MIB1: variants seen among roughly 807,000 people sequenced by gnomAD.
MIB1 encodes the protein E3 ubiquitin-protein ligase MIB1.
In MIB1, 278 loss-of-function variants were observed where a neutral mutation model predicts 124.5. The observed-to-expected ratio is 2.23, with a 90% CI of 2.02 to 2.47. The LOEUF (loss-of-function observed/expected upper bound fraction) is 2.47. Among genes scored for constraint, MIB1 ranks in the 30% most tolerant of loss-of-function variants. The pLI is 0.00. For missense variants in MIB1, 957 were observed against 1,254.4 expected (o/e 0.76, Z 3.58); for synonymous variants, 446 against 429.4 (o/e 1.04, Z -0.48).
intron 6 of MIB1, among the ~76,000 whole-genome samples, chr18:21,784,458 A>G (rs1325396807): frequency 1.3e-5 from 2 of 152,238 alleles, no homozygotes; most frequent in Non-Finnish European, 2.9e-5. Flanking sequence ...TGCCAAGGCA[A>G]GAGACCGAGG....
In MIB1 at chr18:21,815,896, C is replaced by A. The variant is rs1053266321; in HGVS notation, c.1677+83C>A. ...ACATTAAGTTCTATGGTAAGCATTC[C>A]TTTGTTACCGTTCTCATATGTCATA... is the stretch of plus-strand genomic sequence containing the variant. On this transcript the variant is annotated intron_variant, in intron 11 of 20. Coordinates refer to ENST00000261537, the MANE Select transcript of MIB1 (RefSeq NM_020774.4). 57 of 1,215,884 alleles carry A rather than the reference C, an allele frequency of 4.7e-5. 1 individual carries two copies. In the South Asian group the frequency reaches 7.4e-4, roughly 16 times the overall value. 75.3% of individuals were successfully genotyped at this position (1,215,884 alleles called of 1,614,324 possible).
At chr18:21,773,361 T>A (rs1238375413) in intron 3 of MIB1, among the ~76,000 whole-genome samples, 1 of 152,210 alleles carries the variant, frequency 6.6e-6, no homozygotes, top group East Asian at 1.9e-4. Flanking sequence ...TTTCTGATAA[T>A]CTATCACTGT....
intron 6 of MIB1, among the ~76,000 whole-genome samples, chr18:21,784,299 G>A (rs1041051838): frequency 4.7e-5 from 7 of 150,444 alleles, no homozygotes; most frequent in African/African-American, 7.3e-5. Context: ...CGCCCTCCTC[G>A]GCCTCCCAAA....
chr18:21,782,763 T>C (rs958089166), intron 6 of MIB1, among the ~76,000 whole-genome samples: 29 of 152,186 alleles, frequency 1.9e-4, no homozygotes, highest in African/African-American at 7.0e-4. Context: ...TGAAGTATTC[T>C]GTAAGTGTCA....
intron 1 of MIB1, among the ~76,000 whole-genome samples, chr18:21,708,096 T>C (rs1485640984): frequency 6.6e-6 from 1 of 152,094 alleles, no homozygotes; most frequent in Non-Finnish European, 1.5e-5. Flanking sequence ...CCTAATACCA[T>C]CACCTTGAGG....
At chr18:21,752,372 G>T (rs1242123939) in intron 1 of MIB1, among the ~76,000 whole-genome samples, 1 of 152,026 alleles carries the variant, frequency 6.6e-6, no homozygotes, top group Non-Finnish European at 1.5e-5. Flanking sequence ...ATTTATGTTT[G>T]TATGTGGTCA....
At chr18:21,791,128 G>A (rs2041497411) in intron 6 of MIB1, among the ~76,000 whole-genome samples, 1 of 151,298 alleles carries the variant, frequency 6.6e-6, no homozygotes, top group African/African-American at 2.4e-5. Flanking sequence ...CATGCAGTGA[G>A]CCGAGATCAT....
chr18:21,792,530 G>T (rs140627414), intron 7 of MIB1, among the ~76,000 whole-genome samples: 1 of 152,112 alleles, frequency 6.6e-6, no homozygotes, highest in East Asian at 1.9e-4. Context: ...CCCTAAGTAG[G>T]TATTTTAGCA....
chr18:21,784,051 T>C (rs1598609029), intron 6 of MIB1, among the ~76,000 whole-genome samples: 1 of 132,346 alleles, frequency 7.6e-6, no homozygotes, highest in South Asian at 2.4e-4. Context: ...CCTGTGTTGC[T>C]TTTTTTTTTT....
chr18:21,787,266 G>A (rs1398264084), intron 6 of MIB1, among the ~76,000 whole-genome samples: 1 of 152,170 alleles, frequency 6.6e-6, no homozygotes, highest in Non-Finnish European at 1.5e-5. Flanking sequence ...CCTTGGCTAT[G>A]TGGGAAGTCT....
chr18:21,870,105 G>C lies in MIB1; in HGVS notation c.*5439G>C, dbSNP rs1033647404. The C allele has an allele frequency of 1.3e-5, 2 of 152,508 alleles. No individual in the cohort carries two copies. Among genetic ancestry groups the C allele is most frequent in the Non-Finnish European group, 2.9e-5 (2 of 67,960 alleles). 9.4% of individuals were successfully genotyped at this position (152,508 alleles called of 1,614,324 possible). On this transcript the variant is annotated 3_prime_UTR_variant, in exon 21 of 21. Coordinates refer to ENST00000261537, the MANE Select transcript of MIB1 (RefSeq NM_020774.4). Reference sequence around the variant, plus strand: ...ATTAGCTTTTGTTAAAGAATGCTTAGTAAGAGCTAAGCTTTTAAAAGTAAT... The same window carrying C: ...ATTAGCTTTTGTTAAAGAATGCTTACTAAGAGCTAAGCTTTTAAAAGTAAT...
chr18:21,813,601 G>A (rs992271583), intron 10 of MIB1, among the ~76,000 whole-genome samples: 4 of 117,374 alleles, frequency 3.4e-5, no homozygotes, highest in African/African-American at 1.7e-4. Flanking sequence ...TACTGTTGTG[G>A]ATTCCTACAT....
chr18:21,781,396 TATATATATA>T (rs1337142801), intron 6 of MIB1, among the ~76,000 whole-genome samples: 7 of 76,498 alleles, frequency 9.2e-5, no homozygotes, highest in Non-Finnish European at 1.5e-4. Flanking sequence ...TATATATATA[TATATATATA>T]TATATATATA....
Position 21,865,287 on chromosome 18 carries a change from T to C in MIB1, c.*621T>C, listed in dbSNP as rs746222836. ...ATAATGACTTTGCATTTCTCTTGTT[T>C]TCTAGATTCAAAAGGAACATTGTTT... is the stretch of plus-strand genomic sequence containing the variant. On this transcript the variant is annotated 3_prime_UTR_variant, in exon 21 of 21. Transcript: ENST00000261537. 5.3e-5 allele frequency: 8 copies of C among 152,206 alleles called. No individual in the cohort carries two copies. The highest frequency in any genetic ancestry group is 1.2e-4 in the Non-Finnish European group (8 of 68,034). The allele number at this position is 152,206 out of a possible 1,614,324, so 9.4% of individuals were successfully genotyped here.
intron 1 of MIB1, among the ~76,000 whole-genome samples, chr18:21,760,844 T>C (rs1265312067): frequency 6.6e-6 from 1 of 152,240 alleles, no homozygotes. Flanking sequence ...GCACAGTCAG[T>C]TAATTCAGGA....
chr18:21,727,583 A>C (rs750510441), intron 1 of MIB1, among the ~76,000 whole-genome samples: 8 of 152,270 alleles, frequency 5.3e-5, no homozygotes, highest in East Asian at 3.9e-4. Context: ...TTATCTACAA[A>C]AAACAAACAA....
rs1399356169 is a variant in MIB1 at position 21,868,051 on chromosome 18, A to G, written c.*3385A>G. ...AAGGAAAAGCACTTATCCTATCAGA[A>G]TGTCTACCATGTTTTATAGTAATAA... On this transcript the variant is annotated 3_prime_UTR_variant, in exon 21 of 21. Coordinates refer to ENST00000261537, the MANE Select transcript of MIB1 (RefSeq NM_020774.4). The G allele has an allele frequency of 6.6e-6, 1 of 152,064 alleles. No individual in the cohort carries two copies. Among genetic ancestry groups the G allele is most frequent in the Non-Finnish European group, 1.5e-5 (1 of 67,924 alleles). The allele number at this position is 152,064 out of a possible 1,614,324, so 9.4% of individuals were successfully genotyped here.
At chr18:21,776,947 A>G (rs972292514) in intron 4 of MIB1, among the ~76,000 whole-genome samples, 6 of 151,936 alleles carry the variant, frequency 3.9e-5, no homozygotes, top group Non-Finnish European at 8.8e-5. Flanking sequence ...ACTGCACTCC[A>G]GCCTGGGTGA....
intron 1 of MIB1, among the ~76,000 whole-genome samples, chr18:21,720,245 A>G (rs1005044912): frequency 1.3e-5 from 2 of 152,208 alleles, no homozygotes; most frequent in Non-Finnish European, 2.9e-5. Flanking sequence ...TAAAATAATT[A>G]TAGGTCTAGT....
Sources: gnomAD v4.1 joint callset for allele counts (sites outside exome capture counted in the v4.1 genomes callset) on GRCh38, gnomAD v4.1.1 for gene constraint, MANE v1.5 for transcripts, NCBI Gene and HGNC (gene_info 2026-07-23, HGNC 2026-07-21) for gene names.